The following AGBL1 variants were observed in gnomAD, a reference collection of about 807,000 sequenced individuals.
AGBL1 encodes AGBL carboxypeptidase 1.
AGBL1 carries 130 observed loss-of-function variants against 118.9 expected under a neutral mutation model. The observed-to-expected ratio is 1.09, with a 90% CI of 0.95 to 1.26. The LOEUF (loss-of-function observed/expected upper bound fraction) is 1.26. Ranked by LOEUF, AGBL1 falls within the 50% of genes most tolerant of loss-of-function variation. AGBL1 has a pLI of 0.00. For synonymous variants in AGBL1, 555 were observed against 478.9 expected, an observed-to-expected ratio of 1.16 and a Z score of -2.08; for missense variants, 1,584 against 1,298.1, an observed-to-expected ratio of 1.22 and a Z score of -3.38.
chr15:86,396,965 C>CA (rs943403927), intron 17 of AGBL1, among the ~76,000 whole-genome samples: 2 of 152,104 alleles, frequency 1.3e-5, no homozygotes, highest in African/African-American at 4.8e-5. Flanking sequence ...TTCATACCAT[C>CA]AAATAGTTAC....
chr15:86,903,991 G>T (rs566439180), intron 22 of AGBL1, among the ~76,000 whole-genome samples: 2 of 136,246 alleles, frequency 1.5e-5, no homozygotes, highest in East Asian at 4.0e-4. Context: ...AGGGAGATGG[G>T]GGTCTGGTGA....
At chr15:86,427,934 T>C (rs2081887677) in intron 18 of AGBL1, among the ~76,000 whole-genome samples, 1 of 152,160 alleles carries the variant, frequency 6.6e-6, no homozygotes, top group South Asian at 2.1e-4. Context: ...TTTCCTTTAT[T>C]ATTCTTGACC....
At chr15:86,268,951 G>T (rs184247555) in intron 13 of AGBL1, among the ~76,000 whole-genome samples, 1 of 152,180 alleles carries the variant, frequency 6.6e-6, no homozygotes, top group Non-Finnish European at 1.5e-5. Flanking sequence ...ATACCAAGAG[G>T]ATGGAGCAAC....
chr15:86,226,869 A>G (rs953373946), intron 6 of AGBL1, among the ~76,000 whole-genome samples: 2 of 152,192 alleles, frequency 1.3e-5, no homozygotes, highest in Admixed American at 6.5e-5. Flanking sequence ...CTCAGACTTG[A>G]TTACATTGTG....
chr15:86,992,858 A>G (rs1342341966), intron 24 of AGBL1, among the ~76,000 whole-genome samples: 2 of 152,302 alleles, frequency 1.3e-5, no homozygotes, highest in East Asian at 3.9e-4. Context: ...TTGGCTTTTC[A>G]AAGCCATTGT....
At chr15:86,542,822 ATAAT>A (rs1414737862) in intron 19 of AGBL1, among the ~76,000 whole-genome samples, 1 of 152,194 alleles carries the variant, frequency 6.6e-6, no homozygotes. Context: ...ACTTTATCTG[ATAAT>A]TAATATAGCT....
intron 22 of AGBL1, among the ~76,000 whole-genome samples, chr15:86,850,430 A>G (rs2079391304): frequency 6.6e-6 from 1 of 152,166 alleles, no homozygotes; most frequent in Non-Finnish European, 1.5e-5. Context: ...CACCGACTAC[A>G]TGCCATTTTA....
At chr15:86,220,968 G>A (rs1056723119) in intron 5 of AGBL1, among the ~76,000 whole-genome samples, 1 of 152,128 alleles carries the variant, frequency 6.6e-6, no homozygotes, top group South Asian at 2.1e-4. Flanking sequence ...GGGAGGCTGA[G>A]ACAGGCAGCT....
At chr15:86,994,331 C>T (rs2081360527) in intron 24 of AGBL1, among the ~76,000 whole-genome samples, 1 of 152,032 alleles carries the variant, frequency 6.6e-6, no homozygotes, top group East Asian at 1.9e-4. Flanking sequence ...ATATCCTGGC[C>T]TGTGATCTCT....
intron 22 of AGBL1, among the ~76,000 whole-genome samples, chr15:86,783,794 T>A (rs2078369132): frequency 6.6e-6 from 1 of 152,142 alleles, no homozygotes; most frequent in Non-Finnish European, 1.5e-5. Flanking sequence ...CACACCTGGC[T>A]AATTGTTTGT....
chr15:86,787,212 C>T (rs1192116565), intron 22 of AGBL1, among the ~76,000 whole-genome samples: 1 of 151,986 alleles, frequency 6.6e-6, no homozygotes, highest in Non-Finnish European at 1.5e-5. Context: ...CACAACATAT[C>T]CATAACCTTC....
chr15:86,695,257 A>G (rs2086236873), intron 22 of AGBL1, among the ~76,000 whole-genome samples: 1 of 151,852 alleles, frequency 6.6e-6, no homozygotes, highest in Admixed American at 6.6e-5. Context: ...TTGTATTACC[A>G]TTTCAATCTT....
At chr15:86,930,021 C>T (rs568301424) in intron 23 of AGBL1, among the ~76,000 whole-genome samples, 2 of 152,234 alleles carry the variant, frequency 1.3e-5, no homozygotes, top group African/African-American at 4.8e-5. Context: ...ATCATGCATT[C>T]CAACAATCCA....
chr15:86,536,060 G>C (rs1217006826), intron 19 of AGBL1, among the ~76,000 whole-genome samples: 3 of 152,098 alleles, frequency 2.0e-5, no homozygotes, highest in Non-Finnish European at 4.4e-5. Context: ...AAATATTTCA[G>C]TTTGCTTCCA....
intron 17 of AGBL1, among the ~76,000 whole-genome samples, chr15:86,299,159 A>G (rs1261973475): frequency 6.6e-6 from 1 of 152,138 alleles, no homozygotes; most frequent in Non-Finnish European, 1.5e-5. Context: ...CCAATAAAGA[A>G]GACTTACTAC....
rs1350917593 is a variant in AGBL1 at position 86,397,477 on chromosome 15, G to A, written c.2486G>A (p.Arg829Lys). 1 of 1,612,998 alleles carries A rather than the reference G, an allele frequency of 6.2e-7. No homozygotes were observed. Among genetic ancestry groups the A allele is most frequent in the African/African-American group, 1.3e-5 (1 of 74,840 alleles). ...CTGGTCAGCAGTGACCCTGTGGCTA[G>A]GCTCTTGAGGGAAAACTTCATCTTC... Reference protein sequence around the residue: ...EFLVSSDPVARLLRENFIFKI... With the variant: ...EFLVSSDPVAKLLRENFIFKI... Residue 829 changes from arginine to lysine, a missense_variant, in exon 18 of 23, where the codon AGG becomes AAG. By Grantham distance (26) the Arg-to-Lys change is conservative (BLOSUM62 2). Transcript: ENST00000614907.
chr15:86,517,460 A>T (rs547165111), intron 18 of AGBL1, among the ~76,000 whole-genome samples: 1 of 152,222 alleles, frequency 6.6e-6, no homozygotes, highest in Admixed American at 6.5e-5. Context: ...ATTTAGACCT[A>T]CCAAAGTTCA....
At position 86,948,617 on chromosome 15, in the gene AGBL1, T is replaced by C. The variant is rs77224252; in HGVS notation, c.3222-39370T>C. Reference sequence around the variant, plus strand: ...CATCATATTTCTAGCCAACGAGTGATTGAATGCGTGTGATGAGTATGTCTT... The same window carrying C: ...CATCATATTTCTAGCCAACGAGTGACTGAATGCGTGTGATGAGTATGTCTT... On this transcript the variant is annotated intron_variant, in intron 23 of 24. Transcript: ENST00000441037. Among the ~76,000 whole-genome samples, 557 of 152,318 alleles carry C rather than the reference T, an allele frequency of 3.7e-3. 7 individuals carry two copies. The highest frequency in any genetic ancestry group is 0.013 in the African/African-American group (540 of 41,580).
At chr15:86,539,633 A>G (rs1219201010) in intron 19 of AGBL1, among the ~76,000 whole-genome samples, 1 of 151,996 alleles carries the variant, frequency 6.6e-6, no homozygotes, top group Non-Finnish European at 1.5e-5. Flanking sequence ...CTTTCACTCT[A>G]CCCTCTTATT....
Sources: allele counts gnomAD v4.1 joint callset (sites outside exome capture counted in the v4.1 genomes callset), GRCh38; gene constraint gnomAD v4.1.1; transcripts MANE v1.5; gene names NCBI Gene and HGNC (gene_info 2026-07-23, HGNC 2026-07-21).